Variants in RPL26L1 observed in about 807,000 individuals in gnomAD.
The protein encoded by RPL26L1 is ribosomal protein L26 like 1.
In RPL26L1, 8 loss-of-function variants were observed where a neutral mutation model predicts 15.2. The observed-to-expected ratio is 0.53, with a 90% CI of 0.31 to 0.95. The LOEUF (loss-of-function observed/expected upper bound fraction) is 0.95. Among genes scored for constraint, RPL26L1 ranks in the 40% least tolerant of loss-of-function variants. The pLI is 0.05. For synonymous variants in RPL26L1, 51 were observed against 65.9 expected, an observed-to-expected ratio of 0.77 and a Z score of 1.09; for missense variants, 146 against 190.9, an observed-to-expected ratio of 0.76 and a Z score of 1.39.
chr5:172,968,215 T>C (rs1755542860), intron 2 of RPL26L1, among the ~76,000 whole-genome samples: 1 of 152,134 alleles, frequency 6.6e-6, no homozygotes. Flanking sequence ...TATATGTAGT[T>C]TTGTATTCTC....
upstream of RPL26L1, among the ~76,000 whole-genome samples, chr5:172,956,193 C>T (rs1000107937): frequency 6.6e-5 from 10 of 152,132 alleles, no homozygotes; most frequent in African/African-American, 1.9e-4. Flanking sequence ...GAAAGTCACC[C>T]GTAATCCCAC....
At chr5:172,966,056 G>A (rs758231544) in intron 2 of RPL26L1, among the ~76,000 whole-genome samples, 1 of 152,124 alleles carries the variant, frequency 6.6e-6, no homozygotes, top group Admixed American at 6.5e-5. Flanking sequence ...TCGACCAGCC[G>A]ACTTAGTCTT....
intron 2 of RPL26L1, among the ~76,000 whole-genome samples, chr5:172,962,438 G>T (rs1332425261): frequency 6.6e-6 from 1 of 152,122 alleles, no homozygotes; most frequent in Non-Finnish European, 1.5e-5. Flanking sequence ...AACCCGGGAG[G>T]CGGAGGTTGC....
chr5:172,959,703 TAGTC>T (rs1428577891), intron 1 of RPL26L1, 158 bp from the exon 2 acceptor site: 4 of 1,068,286 alleles, frequency 3.7e-6, no homozygotes, highest in Admixed American at 2.4e-5. Context: ...CTTTATGTGA[TAGTC>T]AGACTAGTCG....
At chr5:172,957,451 G>C (rs1202554971), upstream of RPL26L1, 1 of 353,186 alleles carries the variant, frequency 2.8e-6, no homozygotes, top group African/African-American at 2.1e-5. Context: ...TGAACTTCTT[G>C]GGAGCACTCC....
upstream of RPL26L1, chr5:172,958,264 C>CAAAAA (rs5873347): frequency 2.1e-4 from 60 of 287,376 alleles, no homozygotes; most frequent in African/African-American, 3.7e-4. Flanking sequence ...AACTCTATCT[C>CAAAAA]AAAAAAAAAA....
At chr5:172,960,630 A>G (rs1002253148) in intron 2 of RPL26L1, among the ~76,000 whole-genome samples, 2 of 151,646 alleles carry the variant, frequency 1.3e-5, no homozygotes, top group Non-Finnish European at 2.9e-5. Context: ...GCAGCGAGTC[A>G]CTCTTTCATA....
Position 172,968,607 on chromosome 5 carries a change from C to G in RPL26L1, c.309+8C>G. The stretch of plus-strand genomic sequence containing the variant: ...GGCATTCACCCAAGCAAGGTATGGT[C>G]AAGGACTGAGTGGCAGTAGCAGCCA... On this transcript the variant is annotated splice_region_variant and intron_variant, in intron 3 of 3. Transcript: ENST00000265100. 6.2e-7 allele frequency: 1 copy of G among 1,613,816 alleles called. No individual in the cohort carries two copies. The highest frequency in any genetic ancestry group is 1.1e-5 in the South Asian group (1 of 91,046).
rs979768904 is a variant in RPL26L1, at chr5:172,959,455, C to T, written c.-23C>T. On this transcript the variant is annotated 5_prime_UTR_variant, in exon 1 of 4. Transcript: ENST00000265100. ...GGCCCTGCGCACTCAGGGTCTGAGG[C>T]AGCTAGTAGCCGGGTGAGTGGAGGC... The T allele has an allele frequency of 9.9e-7, 1 of 1,014,362 alleles. No individual in the cohort carries two copies. Among genetic ancestry groups the T allele is most frequent in the Non-Finnish European group, 1.2e-6 (1 of 844,340 alleles). 62.8% of individuals were successfully genotyped at this position (1,014,362 alleles called of 1,614,324 possible).
chr5:172,965,550 C>G (rs1241315016), intron 2 of RPL26L1, among the ~76,000 whole-genome samples: 1 of 152,192 alleles, frequency 6.6e-6, no homozygotes, highest in Non-Finnish European at 1.5e-5. Context: ...TGAAGGCATT[C>G]CAGCCACAGC....
At chr5:172,966,587 A>T (rs987741476) in intron 2 of RPL26L1, among the ~76,000 whole-genome samples, 6 of 151,698 alleles carry the variant, frequency 4.0e-5, no homozygotes, top group Non-Finnish European at 8.8e-5. Context: ...AGCATAGTGA[A>T]ACCCTGTCTC....
chr5:172,968,890 CT>C (rs1755578834), intron 3 of RPL26L1, among the ~76,000 whole-genome samples: 2 of 142,348 alleles, frequency 1.4e-5, no homozygotes, highest in South Asian at 4.8e-4. Context: ...TCACTGCAAC[CT>C]CCACCTCCTG....
chr5:172,966,311 C>CTTTT (rs1310691278), intron 2 of RPL26L1, among the ~76,000 whole-genome samples: 9 of 74,164 alleles, frequency 1.2e-4, no homozygotes, highest in Admixed American at 3.8e-4. Context: ...GTCTGGCTAA[C>CTTTT]TATTTTTTTT....
chr5:172,968,326 A>T, intron 2 of RPL26L1, 133 bp from the exon 3 acceptor site: 1 of 1,151,472 alleles, frequency 8.7e-7, no homozygotes, highest in Non-Finnish European at 1.2e-6. Context: ...AAAAGTAGCT[A>T]ATTTTTGACT....
In RPL26L1 at chr5:172,969,563, C is replaced by T. The variant is rs541290184; in HGVS notation, c.*22C>T. ...ATAAATAGAACCTGTTGTGCAACCA[C>T]GGTTTAACCGGAGATTTTGAGGCTA... is the stretch of plus-strand genomic sequence containing the variant. On this transcript the variant is annotated 3_prime_UTR_variant, in exon 4 of 4. Coordinates refer to ENST00000265100, the MANE Select transcript of RPL26L1 (RefSeq NM_016093.4). 66 of 1,597,472 alleles carry T rather than the reference C, an allele frequency of 4.1e-5. No homozygotes were observed. The South Asian group carries it at 5.6e-4, about 13-fold the overall frequency.
chr5:172,969,494 G>C lies in RPL26L1; in HGVS notation c.391G>C (p.Glu131Gln). Reference protein sequence around the residue: ...RKAKSRQVGKEKGKYKEELIE... With the variant: ...RKAKSRQVGKQKGKYKEELIE... ...AGCCAAGTCTCGACAAGTTGGAAAA[G>C]AGAAAGGCAAATATAAAGAAGAACT... The change falls in exon 4 of 4, where the codon GAG (glutamate) becomes CAG (glutamine). Residue 131 changes from glutamate (E) to glutamine (Q), a missense_variant. Glu to Gln is a conservative substitution (Grantham distance 29). Transcript: ENST00000265100. 1 of 1,613,714 alleles carries C rather than the reference G, an allele frequency of 6.2e-7. No individual in the cohort carries two copies. Among genetic ancestry groups the C allele is most frequent in the Non-Finnish European group, 8.5e-7 (1 of 1,179,720 alleles).
upstream of RPL26L1, chr5:172,956,917 G>A (rs1370940420): frequency 8.4e-6 from 2 of 237,590 alleles, no homozygotes; most frequent in Non-Finnish European, 1.7e-5. Context: ...CAGCCTGGGC[G>A]ACAGAGCGAG....
At chr5:172,961,159 CTT>C (rs1448742063) in intron 2 of RPL26L1, among the ~76,000 whole-genome samples, 4 of 152,084 alleles carry the variant, frequency 2.6e-5, no homozygotes, top group South Asian at 2.1e-4. Flanking sequence ...CACTGGGACT[CTT>C]TGAAGGTTTG....
chr5:172,968,749 C>A, intron 3 of RPL26L1, 150 bp downstream of exon 3: 2 of 638,054 alleles, frequency 3.1e-6, no homozygotes, highest in Admixed American at 3.5e-5. Context: ...ATCAAGGATC[C>A]AGATTTTTCT....
Sources: gnomAD v4.1 joint callset for allele counts (sites outside exome capture counted in the v4.1 genomes callset) on GRCh38, gnomAD v4.1.1 for gene constraint, MANE v1.5 for transcripts, NCBI Gene and HGNC (gene_info 2026-07-23, HGNC 2026-07-21) for gene names.